FAM76A: variants seen among roughly 807,000 people sequenced by gnomAD.
FAM76A encodes the protein family with sequence similarity 76 member A, also known as protein FAM76A.
In FAM76A, 32 loss-of-function variants were observed where a neutral mutation model predicts 46.2. That is an observed-to-expected ratio of 0.69 (90% CI 0.52 to 0.93). FAM76A has a LOEUF of 0.93. Ranked by LOEUF, FAM76A falls within the 40% of genes least tolerant of loss-of-function variation. FAM76A has a pLI of 0.00. For synonymous variants in FAM76A, 137 were observed against 127.0 expected, an observed-to-expected ratio of 1.08 and a Z score of -0.53; for missense variants, 274 against 361.5, an observed-to-expected ratio of 0.76 and a Z score of 1.96.
At chr1:27,741,868 G>A (rs937594567) in intron 4 of FAM76A, among the ~76,000 whole-genome samples, 4 of 138,136 alleles carry the variant, frequency 2.9e-5, no homozygotes, top group Non-Finnish European at 5.9e-5. Context: ...GGGTGACAAA[G>A]TGAGACTCTA....
chr1:27,740,527 G>A (rs2148574293), intron 4 of FAM76A: 2 of 1,359,642 alleles, frequency 1.5e-6, no homozygotes, highest in East Asian at 4.7e-5. Context: ...ACATGATTAT[G>A]TCTGGAAGCG....
At chr1:27,739,721 G>A (rs1351234086) in intron 4 of FAM76A, among the ~76,000 whole-genome samples, 33 of 152,306 alleles carry the variant, frequency 2.2e-4, no homozygotes, top group Admixed American at 9.2e-4. Flanking sequence ...CTGGGAAGTC[G>A]AGGCTGCAGT....
At chr1:27,732,465 G>T in intron 2 of FAM76A, 138 bp from the exon 3 acceptor site, 1 of 545,476 alleles carries the variant, frequency 1.8e-6, no homozygotes, top group Non-Finnish European at 3.4e-6. Flanking sequence ...TATTAGAAAG[G>T]TACTCAAGCT....
chr1:27,726,351 C>G (rs1265574113), intron 1 of FAM76A, among the ~76,000 whole-genome samples, 190 bp downstream of exon 1: 4 of 152,084 alleles, frequency 2.6e-5, no homozygotes, highest in Admixed American at 1.3e-4. Context: ...TCCAGGCTCC[C>G]GCGGCCGGCG....
intron 4 of FAM76A, among the ~76,000 whole-genome samples, chr1:27,741,439 T>C (rs2088151754): frequency 6.6e-6 from 1 of 151,982 alleles, no homozygotes; most frequent in Admixed American, 6.6e-5. Context: ...GGATTACAGG[T>C]GTGAGCCACT....
intron 2 of FAM76A, among the ~76,000 whole-genome samples, chr1:27,730,714 T>G (rs1277239164): frequency 1.3e-5 from 2 of 152,202 alleles, no homozygotes; most frequent in Non-Finnish European, 2.9e-5. Flanking sequence ...ATTTATAATT[T>G]AAATATTTTC....
chr1:27,738,917 A>G (rs2088103406), intron 4 of FAM76A, among the ~76,000 whole-genome samples: 1 of 152,192 alleles, frequency 6.6e-6, no homozygotes, highest in South Asian at 2.1e-4. Context: ...TTCCAGGAAG[A>G]AGGACCAGCT....
chr1:27,727,842 CTG>C (rs2148562809), intron 2 of FAM76A, among the ~76,000 whole-genome samples: 1 of 117,426 alleles, frequency 8.5e-6, no homozygotes, highest in East Asian at 2.6e-4. Context: ...GAGTCTCACT[CTG>C]TCACCCAGGC....
chr1:27,757,185 A>ATTATTTT (rs2088424134), intron 7 of FAM76A, among the ~76,000 whole-genome samples: 1 of 108,808 alleles, frequency 9.2e-6, no homozygotes, highest in Non-Finnish European at 1.9e-5. Context: ...TAACTCATTT[A>ATTATTTT]TTCTTTTTTT....
intron 1 of FAM76A, 93 bp from the exon 2 acceptor site, chr1:27,727,379 G>A: frequency 1.0e-6 from 1 of 955,234 alleles, no homozygotes; most frequent in Non-Finnish European, 1.7e-6. Flanking sequence ...AAGCATAGTA[G>A]CTATGCTAGA....
chr1:27,743,767 G>GAA (rs76187664), intron 4 of FAM76A, among the ~76,000 whole-genome samples: 6 of 140,164 alleles, frequency 4.3e-5, no homozygotes, highest in South Asian at 2.3e-4. Context: ...CCTGTTTGGG[G>GAA]AAAAAAAAAA....
intron 1 of FAM76A, among the ~76,000 whole-genome samples, chr1:27,726,464 C>T (rs1395016638): frequency 2.6e-5 from 4 of 152,144 alleles, no homozygotes; most frequent in Non-Finnish European, 5.9e-5. Context: ...CTTCGGGATC[C>T]CTTTGCGCTG....
chr1:27,731,845 G>A (rs564577506), intron 2 of FAM76A, among the ~76,000 whole-genome samples: 19 of 151,840 alleles, frequency 1.3e-4, no homozygotes, highest in South Asian at 4.2e-4. Context: ...TTTTGAGACG[G>A]AGTTTTGCTT....
Position 27,749,025 on chromosome 1 carries a change from C to A in FAM76A, c.513-43C>A, listed in dbSNP as rs764676842. On this transcript the variant is annotated intron_variant, in intron 5 of 8. Coordinates refer to ENST00000373954, the MANE Select transcript of FAM76A (RefSeq NM_152660.3). ...ACTTTCATTGTGATGTTTTGTTAAT[C>A]TTTGATTTCTAATGTGTGTCTCTCT... is the stretch of plus-strand genomic sequence containing the variant. 7 of 1,328,750 alleles carry A rather than the reference C, an allele frequency of 5.3e-6. No homozygotes were observed. The Admixed American group carries it at 6.5e-5, about 12-fold the overall frequency. 82.3% of individuals were successfully genotyped at this position (1,328,750 alleles called of 1,614,324 possible). A position where few individuals can be genotyped will look rare whatever the true frequency, so the allele number is the denominator to read the frequency against.
intron 2 of FAM76A, 119 bp from the exon 3 acceptor site, chr1:27,732,484 C>G: frequency 1.5e-6 from 1 of 652,164 alleles, no homozygotes; most frequent in Non-Finnish European, 2.7e-6. Flanking sequence ...CTAGTGTTAA[C>G]CAAGCATCCA....
chr1:27,756,393 C>T lies in FAM76A; in HGVS notation c.735+1063C>T, dbSNP rs544791545. 4.6e-5 allele frequency among the ~76,000 whole-genome samples: 7 copies of T among 152,046 alleles called. 1 individual carries two copies. The South Asian group carries it at 1.2e-3, about 27-fold the overall frequency. On this transcript the variant is annotated intron_variant, in intron 7 of 8. Transcript: ENST00000373954. ...GCAACCTCTGCCTCCTGAGTTCAAG[C>T]GATTCTCCTACCTCAACCTCTCAAG...
intron 5 of FAM76A, among the ~76,000 whole-genome samples, chr1:27,745,259 G>A (rs769138495): frequency 2.0e-5 from 3 of 151,992 alleles, no homozygotes; most frequent in East Asian, 1.9e-4. Flanking sequence ...TATTGTTAAC[G>A]GTTCTGGCTC....
intron 7 of FAM76A, among the ~76,000 whole-genome samples, chr1:27,757,784 G>A (rs1027871449): frequency 1.3e-4 from 20 of 152,232 alleles, no homozygotes; most frequent in African/African-American, 4.8e-4. Flanking sequence ...AGACCATCCT[G>A]GCTAACACGG....
intron 6 of FAM76A, among the ~76,000 whole-genome samples, chr1:27,753,984 T>C (rs1393435995): frequency 6.6e-6 from 1 of 152,168 alleles, no homozygotes; most frequent in Non-Finnish European, 1.5e-5. Context: ...TCTGAGGCAC[T>C]TCTGACTGGC....
Sources: gnomAD v4.1 joint callset for allele counts (sites outside exome capture counted in the v4.1 genomes callset) on GRCh38, gnomAD v4.1.1 for gene constraint, MANE v1.5 for transcripts, NCBI Gene and HGNC (gene_info 2026-07-23, HGNC 2026-07-21) for gene names.